The following VLDLR variants were observed in gnomAD, a reference collection of about 807,000 sequenced individuals.
VLDLR encodes the protein very low-density lipoprotein receptor.
Under a neutral mutation model 112.7 loss-of-function variants are expected in VLDLR, and 81 were observed. The observed-to-expected ratio is 0.72, with a 90% CI of 0.60 to 0.86. The LOEUF (loss-of-function observed/expected upper bound fraction) is 0.86. Ranked by LOEUF, VLDLR falls within the 40% of genes least tolerant of loss-of-function variation. The probability of loss-of-function intolerance (pLI) is 0.00; values close to 1 mark genes in which losing one functional copy is unlikely to be tolerated. For missense variants in VLDLR, 1,237 were observed against 1,099.4 expected (o/e 1.13, Z -1.77); for synonymous variants, 436 against 384.8 (o/e 1.13, Z -1.56).
chr9:2,644,979 A>G lies in VLDLR; in HGVS notation c.1209A>G (p.Pro403=). The G allele has an allele frequency of 6.2e-7, 1 of 1,614,226 alleles. No homozygotes were observed. The highest frequency in any genetic ancestry group is 8.5e-7 in the Non-Finnish European group (1 of 1,180,038). The change falls in exon 9 of 19, where the codon CCA becomes CCG. Residue 403 remains proline, a synonymous_variant. Coordinates refer to ENST00000382100, the MANE Select transcript of VLDLR (RefSeq NM_003383.5). The stretch of plus-strand genomic sequence containing the variant: ...CAGATATTGATGAATGCCAAAATCC[A>G]GGAATCTGCAGTCAAATTTGTATCA... ...TCGDIDECQN[P]GICSQICINL...
At chr9:2,640,043 G>A in intron 3 of VLDLR, 62 bp downstream of exon 3, 2 of 1,613,532 alleles carry the variant, frequency 1.2e-6, no homozygotes, top group African/African-American at 1.3e-5. Flanking sequence ...ACATTTCTAA[G>A]TATTGCTTAA....
chr9:2,629,296 C>G (rs1319565431), intron 1 of VLDLR, among the ~76,000 whole-genome samples: 2 of 152,220 alleles, frequency 1.3e-5, no homozygotes, highest in African/African-American at 4.8e-5. Flanking sequence ...GACTTGAACC[C>G]TAGACAAGAA....
chr9:2,645,740 C>T lies in VLDLR; in HGVS notation c.1479C>T (p.Ile493=), dbSNP rs372491770. 25 of 1,614,056 alleles carry T rather than the reference C, an allele frequency of 1.5e-5. No individual in the cohort carries two copies. The highest frequency in any genetic ancestry group is 4.5e-5 in the East Asian group (2 of 44,890). ...GGGCCGATCTAAGCCAAAAGGCTAT[C>T]TTCAGGTAACTTTCAGTTCCTTTTG... ...LFWADLSQKA[I]FSASIDDKVG... The change falls in exon 10 of 19, where the codon ATC becomes ATT. Residue 493 remains isoleucine (I), a synonymous_variant. Coordinates refer to ENST00000382100, the MANE Select transcript of VLDLR (RefSeq NM_003383.5).
rs1040331159 is a variant in VLDLR at position 2,655,881 on chromosome 9, A to G, written c.*2013A>G. ...CTGTTTGGTAAGTAGGTTAGCATTC[A>G]TCATGAACTCTGAAAGCCATTTCAG... On this transcript the variant is annotated 3_prime_UTR_variant, in exon 19 of 19. Coordinates refer to ENST00000382100, the MANE Select transcript of VLDLR (RefSeq NM_003383.5). 6.6e-6 allele frequency: 1 copy of G among 152,080 alleles called. No individual in the cohort carries two copies. Among genetic ancestry groups the G allele is most frequent in the Admixed American group, 6.5e-5 (1 of 15,278 alleles). The allele number at this position is 152,080 out of a possible 1,614,324, so 9.4% of individuals were successfully genotyped here. A position where few individuals can be genotyped will look rare whatever the true frequency, so the allele number is the denominator to read the frequency against.
At chr9:2,644,543 G>C (rs2889261) in intron 7 of VLDLR, among the ~76,000 whole-genome samples, 191 bp from the exon 8 acceptor site, 2 of 151,620 alleles carry the variant, frequency 1.3e-5, no homozygotes, top group African/African-American at 4.9e-5. Context: ...TGCTTGACCA[G>C]CTGGTAACTT....
At chr9:2,639,092 A>G (rs1317919096) in intron 2 of VLDLR, among the ~76,000 whole-genome samples, 3 of 152,200 alleles carry the variant, frequency 2.0e-5, no homozygotes, top group Non-Finnish European at 4.4e-5. Flanking sequence ...TGAACAGTAT[A>G]TTAGTCAGCT....
At position 2,656,508 on chromosome 9, in the gene VLDLR, G is replaced by A. The variant is rs1322538820; in HGVS notation, c.*2640G>A. The A allele has an allele frequency of 6.6e-6, 1 of 152,134 alleles. No homozygotes were observed. The highest frequency in any genetic ancestry group is 1.9e-4 in the East Asian group (1 of 5,194). The allele number at this position is 152,134 out of a possible 1,614,324, so 9.4% of individuals were successfully genotyped here. On this transcript the variant is annotated 3_prime_UTR_variant, in exon 19 of 19. Transcript: ENST00000382100. ...CTAGTCAATACAGCTTGCAATAATA[G>A]TGCATGAATGATAACAGGCCTCGGC...
intron 1 of VLDLR, among the ~76,000 whole-genome samples, chr9:2,634,567 T>C (rs1319242236): frequency 2.0e-5 from 3 of 152,372 alleles, no homozygotes; most frequent in East Asian, 3.9e-4. Flanking sequence ...CTGTCCCACT[T>C]AGAAGTCTTA....
chr9:2,657,174 G>C lies in VLDLR; in HGVS notation c.*3306G>C, dbSNP rs982415948. 4 of 152,138 alleles carry C rather than the reference G, an allele frequency of 2.6e-5. No homozygotes were observed. Among genetic ancestry groups the C allele is most frequent in the African/African-American group, 9.6e-5 (4 of 41,524 alleles). The allele number at this position is 152,138 out of a possible 1,614,324, so 9.4% of individuals were successfully genotyped here. ...CTTTACCCCAAACCTAAAGATTCTA[G>C]GGGTCACTTATCTCTATTACGTAAT... On this transcript the variant is annotated 3_prime_UTR_variant, in exon 19 of 19. Transcript: ENST00000382100.
At chr9:2,630,730 T>C (rs918414706) in intron 1 of VLDLR, among the ~76,000 whole-genome samples, 5 of 152,178 alleles carry the variant, frequency 3.3e-5, no homozygotes, top group African/African-American at 1.2e-4. Context: ...TCTATATGCA[T>C]TAAAAACCCT....
intron 1 of VLDLR, among the ~76,000 whole-genome samples, chr9:2,632,401 C>A (rs915608585): frequency 2.6e-5 from 4 of 152,164 alleles, no homozygotes; most frequent in Non-Finnish European, 5.9e-5. Context: ...CCTAGCACTT[C>A]TACTTCCAAG....
At chr9:2,652,063 T>C in intron 17 of VLDLR, 109 bp downstream of exon 17, 1 of 974,782 alleles carries the variant, frequency 1.0e-6, no homozygotes, top group South Asian at 1.4e-5. Context: ...CTGTCTAGCA[T>C]TTATGACACT....
rs139934256 is a variant in VLDLR, at chr9:2,624,743, C to A, written c.82+2472C>A. On this transcript the variant is annotated intron_variant, in intron 1 of 18. Coordinates refer to ENST00000382100, the MANE Select transcript of VLDLR (RefSeq NM_003383.5). ...GGCATGGAAAGTAAACTTGGCTCAT[C>A]CAGATAGCACCAATGAAGGTATGAC... 1.1e-4 allele frequency among the ~76,000 whole-genome samples: 16 copies of A among 152,248 alleles called. No individual in the cohort carries two copies. In the East Asian group the frequency reaches 3.1e-3, roughly 29 times the overall value.
intron 1 of VLDLR, among the ~76,000 whole-genome samples, chr9:2,624,318 A>G (rs1023244051): frequency 1.3e-5 from 2 of 152,214 alleles, no homozygotes; most frequent in African/African-American, 4.8e-5. Context: ...ATCTGTCTTA[A>G]GTTCAAAGTC....
chr9:2,648,428 A>C, intron 13 of VLDLR, 81 bp downstream of exon 13: 1 of 1,599,778 alleles, frequency 6.3e-7, no homozygotes, highest in Non-Finnish European at 8.6e-7. Context: ...TAGCGGGAGG[A>C]GGGAAGAGCA....
At chr9:2,627,864 C>CAAAAAA (rs544070052) in intron 1 of VLDLR, among the ~76,000 whole-genome samples, 1 of 104,412 alleles carries the variant, frequency 9.6e-6, no homozygotes, top group Admixed American at 9.9e-5. Flanking sequence ...GAATCCATCT[C>CAAAAAA]AAAAAAAAAA....
At chr9:2,632,150 G>C (rs983590605) in intron 1 of VLDLR, among the ~76,000 whole-genome samples, 1 of 152,156 alleles carries the variant, frequency 6.6e-6, no homozygotes, top group East Asian at 1.9e-4. Flanking sequence ...ATTAGAGCTG[G>C]AAGAAAACCT....
Position 2,645,015 on chromosome 9 carries a change from C to T in VLDLR, c.1245C>T (p.Gly415=), listed in dbSNP as rs746308049. The change falls in exon 9 of 19, where the codon GGC becomes GGT. Residue 415 remains glycine, a synonymous_variant. Coordinates refer to ENST00000382100, the MANE Select transcript of VLDLR (RefSeq NM_003383.5). Reference sequence around the variant, plus strand: ...GTCAAATTTGTATCAACTTAAAAGGCGGTTACAAGTGTGAATGTAGTCGTG... The same window carrying T: ...GTCAAATTTGTATCAACTTAAAAGGTGGTTACAAGTGTGAATGTAGTCGTG... ...ICSQICINLK[G]GYKCECSRGY... The T allele has an allele frequency of 1.7e-5, 28 of 1,614,012 alleles. No individual in the cohort carries two copies. The highest frequency in any genetic ancestry group is 1.5e-4 in the Admixed American group (9 of 59,992).
rs543040768 is a variant in VLDLR, at chr9:2,651,208, G to A, written c.2252-207G>A. Among the ~76,000 whole-genome samples, 27 of 152,254 alleles carry A rather than the reference G, an allele frequency of 1.8e-4. No homozygotes were observed. The East Asian group carries it at 2.7e-3, about 15-fold the overall frequency. On this transcript the variant is annotated intron_variant, in intron 15 of 18. Coordinates refer to ENST00000382100, the MANE Select transcript of VLDLR (RefSeq NM_003383.5). Reference sequence around the variant, plus strand: ...TTTGAATTGTCAAATTCCAAACACCGACTGTCCTTCCCAAAGTTTCATGTA... The same window carrying A: ...TTTGAATTGTCAAATTCCAAACACCAACTGTCCTTCCCAAAGTTTCATGTA...
Sources: allele counts gnomAD v4.1 joint callset (sites outside exome capture counted in the v4.1 genomes callset), GRCh38; gene constraint gnomAD v4.1.1; transcripts MANE v1.5; gene names NCBI Gene and HGNC (gene_info 2026-07-23, HGNC 2026-07-21).